PRKN: variants seen among roughly 807,000 people sequenced by gnomAD.
The protein encoded by PRKN is E3 ubiquitin-protein ligase parkin.
Under a neutral mutation model 59.5 loss-of-function variants are expected in PRKN, and 56 were observed. The ratio of observed to expected loss-of-function variants is 0.94; its 90% CI spans 0.76 to 1.18. The LOEUF is 1.18. Ranked by LOEUF, PRKN falls within the 50% of genes most tolerant of loss-of-function variation. The probability of loss-of-function intolerance (pLI) is 0.00; values close to 1 mark genes in which losing one functional copy is unlikely to be tolerated. For missense variants in PRKN, 657 were observed against 596.4 expected (o/e 1.10, Z -1.06); for synonymous variants, 250 against 222.1 (o/e 1.13, Z -1.12).
At chr6:162,671,936 A>G (rs2803090) in intron 1 of PRKN, among the ~76,000 whole-genome samples, 141,199 of 152,066 alleles carry the variant, frequency 0.93, 65,798 homozygotes, top group African/African-American at 0.98. Flanking sequence ...GGAGGCAGAC[A>G]CCAGGGCTGC....
intron 2 of PRKN, among the ~76,000 whole-genome samples, chr6:162,365,366 GAT>G (rs1414743381): frequency 9.9e-5 from 15 of 152,140 alleles, no homozygotes; most frequent in African/African-American, 3.6e-4. Flanking sequence ...TTTACAAGAT[GAT>G]TATATTCAGT....
chr6:162,352,473 G>A (rs545674389), intron 2 of PRKN, among the ~76,000 whole-genome samples: 1 of 152,154 alleles, frequency 6.6e-6, no homozygotes, highest in Non-Finnish European at 1.5e-5. Context: ...TTTTAGAAAA[G>A]ATAATCTACG....
chr6:162,414,726 A>AAAAAAAAAAAAAAATAGT lies in PRKN; in HGVS notation c.171+28583_171+28584insACTATTTTTTTTTTTTTT, dbSNP rs34838356. 2.2e-5 allele frequency among the ~76,000 whole-genome samples: 2 copies of AAAAAAAAAAAAAAATAGT among 91,870 alleles called. 1 individual carries two copies. The highest frequency in any genetic ancestry group is 4.2e-5 in the Non-Finnish European group (2 of 47,960). The allele number at this position is 91,870 out of a possible 152,430, so 60.3% of individuals were successfully genotyped here. A position where few individuals can be genotyped will look rare whatever the true frequency, so the allele number is the denominator to read the frequency against. On this transcript the variant is annotated intron_variant, in intron 2 of 11. Coordinates refer to ENST00000366898, the MANE Select transcript of PRKN (RefSeq NM_004562.3). Reference sequence around the variant, plus strand: ...ACTCCGTCTCAAAAAAAAAAAAAAAAAGTGAATCTTTGAAGTTTTAAAATA... The same window carrying AAAAAAAAAAAAAAATAGT: ...ACTCCGTCTCAAAAAAAAAAAAAAAAAAAAAAAAAAAAAATAGTAGTGAATCTTTGAAGTTTTAAAATA...
chr6:161,898,429 A>G (rs1777744670), intron 6 of PRKN, among the ~76,000 whole-genome samples: 1 of 152,288 alleles, frequency 6.6e-6, no homozygotes, highest in East Asian at 1.9e-4. Context: ...CCTTTCATCT[A>G]CATAATTTTT....
intron 4 of PRKN, among the ~76,000 whole-genome samples, chr6:162,168,883 C>T (rs1176473085): frequency 1.3e-5 from 2 of 152,136 alleles, no homozygotes; most frequent in Non-Finnish European, 2.9e-5. Context: ...AGTATATGTA[C>T]ACCCACAGAC....
chr6:161,402,178 G>A lies in PRKN; in HGVS notation c.1084-15301C>T, dbSNP rs1787081358. 6.6e-6 allele frequency among the ~76,000 whole-genome samples: 1 copy of A among 151,886 alleles called. No individual in the cohort carries two copies. Among genetic ancestry groups the A allele is most frequent in the African/African-American group, 2.4e-5 (1 of 41,294 alleles). Reference sequence around the variant, plus strand: ...TGGCCAAAGATAACTCATGCCTCGGGGGTCGTGAGCAGGAGGTGAAGCCAA... The same window carrying A: ...TGGCCAAAGATAACTCATGCCTCGGAGGTCGTGAGCAGGAGGTGAAGCCAA... On this transcript the variant is annotated intron_variant, in intron 9 of 11. Transcript: ENST00000366898. This position sits in a 1 kb window ranked among gnomAD's most constrained non-coding sequence, Gnocchi z 4.5.
At chr6:161,664,642 A>T (rs1194772015) in intron 7 of PRKN, among the ~76,000 whole-genome samples, 2 of 152,174 alleles carry the variant, frequency 1.3e-5, no homozygotes, top group East Asian at 3.8e-4. Context: ...GCTTGTCTAT[A>T]AACTGGCAGA....
intron 4 of PRKN, among the ~76,000 whole-genome samples, chr6:162,062,760 C>CA (rs1334234139): frequency 1.3e-5 from 2 of 152,146 alleles, no homozygotes; most frequent in Non-Finnish European, 2.9e-5. Context: ...TTTGTCATGG[C>CA]AGTCCTAGCA....
At chr6:162,309,918 TG>T (rs1175854734) in intron 2 of PRKN, among the ~76,000 whole-genome samples, 1 of 152,156 alleles carries the variant, frequency 6.6e-6, no homozygotes, top group African/African-American at 2.4e-5. Context: ...TGTATTCATG[TG>T]TTCTCATGAC....
intron 9 of PRKN, among the ~76,000 whole-genome samples, chr6:161,510,780 T>TA (rs1355410466): frequency 6.6e-6 from 1 of 152,176 alleles, no homozygotes; most frequent in Non-Finnish European, 1.5e-5. Flanking sequence ...AAGCAAATGA[T>TA]AGAGGATATA....
At chr6:161,586,941 C>T (rs1781543319) in intron 7 of PRKN, among the ~76,000 whole-genome samples, 1 of 152,162 alleles carries the variant, frequency 6.6e-6, no homozygotes, top group African/African-American at 2.4e-5. Context: ...TATAATGAGA[C>T]TGCTCTCTCC....
intron 2 of PRKN, among the ~76,000 whole-genome samples, chr6:162,301,794 T>A (rs867954540): frequency 1.1e-5 from 1 of 92,130 alleles, no homozygotes; most frequent in South Asian, 3.2e-4. Flanking sequence ...GGGGGGGGGG[T>A]GCAGAATTCA....
chr6:162,523,184 G>A (rs531694377), intron 1 of PRKN, among the ~76,000 whole-genome samples: 63 of 152,248 alleles, frequency 4.1e-4, no homozygotes, highest in Middle Eastern at 3.4e-3. Flanking sequence ...TCTTGATGAC[G>A]AAATTACAGA....
intron 1 of PRKN, chr6:162,624,378 T>A (rs1317423069): frequency 1.3e-5 from 2 of 152,192 alleles, no homozygotes; most frequent in African/African-American, 4.8e-5. Flanking sequence ...TAAAAACAAT[T>A]AAATAAAAAT....
At chr6:162,711,012 C>G (rs1002307308) in intron 1 of PRKN, among the ~76,000 whole-genome samples, 12 of 152,188 alleles carry the variant, frequency 7.9e-5, no homozygotes, top group Admixed American at 2.0e-4. Flanking sequence ...CTACTGGAAA[C>G]AGAGCTGCTG....
chr6:161,520,225 C>A (rs897273837), intron 9 of PRKN, among the ~76,000 whole-genome samples: 1 of 50,790 alleles, frequency 2.0e-5, no homozygotes, highest in Non-Finnish European at 4.1e-5. Context: ...TCTCTCTATG[C>A]ATTTTTTTTT....
chr6:162,404,186 C>G (rs1374200799), intron 2 of PRKN, among the ~76,000 whole-genome samples: 2 of 151,692 alleles, frequency 1.3e-5, no homozygotes. Flanking sequence ...CCTGACCAAC[C>G]TGGTGAAACC....
At chr6:162,330,582 T>A (rs948635205) in intron 2 of PRKN, among the ~76,000 whole-genome samples, 8 of 152,354 alleles carry the variant, frequency 5.3e-5, no homozygotes, top group South Asian at 2.1e-4. Context: ...AAGTCTGCTA[T>A]GCATTCCTTC....
At chr6:162,679,597 T>C (rs1329061753) in intron 1 of PRKN, among the ~76,000 whole-genome samples, 1 of 152,230 alleles carries the variant, frequency 6.6e-6, no homozygotes, top group East Asian at 1.9e-4. Flanking sequence ...TTTCTAAATA[T>C]GTCTTAACTG....
Sources: gnomAD v4.1 joint callset for allele counts (sites outside exome capture counted in the v4.1 genomes callset) on GRCh38, gnomAD v4.1.1 for gene constraint, Gnocchi (gnomAD v3.1) non-coding constraint, MANE v1.5 for transcripts, NCBI Gene and HGNC (gene_info 2026-07-23, HGNC 2026-07-21) for gene names.